Variants in SGF29 observed in about 807,000 individuals in gnomAD.
SGF29 encodes SAGA complex associated factor 29.
A neutral mutation model predicts 38.1 loss-of-function variants in SGF29; 15 were observed. The observed-to-expected ratio is 0.39, with a 90% CI of 0.26 to 0.61. The LOEUF is 0.61. SGF29 is among the 20% of genes least tolerant of loss of function. SGF29 has a pLI of 0.49. For missense variants in SGF29, 184 were observed against 394.6 expected (o/e 0.47, Z 4.52); for synonymous variants, 151 against 160.8 (o/e 0.94, Z 0.46).
intron 1 of SGF29, among the ~76,000 whole-genome samples, chr16:28,564,765 A>ATACATATATACG (rs1156634636): frequency 1.7e-5 from 1 of 58,806 alleles, no homozygotes; most frequent in South Asian, 4.2e-4. Flanking sequence ...GTATATATGT[A>ATACATATATACG]TATATATGTA....
chr16:28,571,865 GTGAT>G (rs1319322769), intron 1 of SGF29, among the ~76,000 whole-genome samples: 3 of 152,218 alleles, frequency 2.0e-5, no homozygotes, highest in Non-Finnish European at 4.4e-5. Context: ...CTAATGAGTG[GTGAT>G]TGATTGATGA....
In SGF29 at chr16:28,590,382, T is replaced by G; in HGVS notation, c.506T>G (p.Val169Gly). 2 of 1,613,842 alleles carry G rather than the reference T, an allele frequency of 1.2e-6. No homozygotes were observed. The highest frequency in any genetic ancestry group is 1.7e-6 in the Non-Finnish European group (2 of 1,179,826). The stretch of plus-strand genomic sequence containing the variant: ...AAGGTGGCTGCCCGGGTGAAGGCCG[T>G]GGATGGGGACGAGCAGTGGATCCTG... ...GDKVAARVKA[V>G]DGDEQWILAE... is the part of the protein sequence containing the mutation. Residue 169 changes from valine (V) to glycine (G), a missense_variant, in exon 7 of 10, where the codon GTG becomes GGG. Coordinates refer to ENST00000317058, the MANE Select transcript of SGF29 (RefSeq NM_138414.3). This position sits in a 1 kb window ranked among gnomAD's most constrained non-coding sequence, Gnocchi z 8.2.
In SGF29 at chr16:28,563,658, C is replaced by T. The variant is rs541750802; in HGVS notation, c.-16+9561C>T. Among the ~76,000 whole-genome samples, 17 of 150,664 alleles carry T rather than the reference C, an allele frequency of 1.1e-4. No homozygotes were observed. In the South Asian group the frequency reaches 3.4e-3, roughly 30 times the overall value. Reference sequence around the variant, plus strand: ...AAAAATAATCTGAATTTTTTTACTACGTGCATATATTGTTTACTCAGTTTT... The same window carrying T: ...AAAAATAATCTGAATTTTTTTACTATGTGCATATATTGTTTACTCAGTTTT... On this transcript the variant is annotated intron_variant, in intron 1 of 9. Transcript: ENST00000317058.
In SGF29 at chr16:28,577,267, T is replaced by G. The variant is rs2151649086; in HGVS notation, c.-15-3788T>G. ...GTGGGGTGGCCATGTACCATGTATT[T>G]AAAGTGTGCAATTCATTGGTTTTTA... On this transcript the variant is annotated intron_variant, in intron 1 of 9. Coordinates refer to ENST00000317058, the MANE Select transcript of SGF29 (RefSeq NM_138414.3). Among the ~76,000 whole-genome samples, 2 of 151,658 alleles carry G rather than the reference T, an allele frequency of 1.3e-5. 1 individual carries two copies. Among genetic ancestry groups the G allele is most frequent in the South Asian group, 4.2e-4 (2 of 4,816 alleles).
intron 1 of SGF29, among the ~76,000 whole-genome samples, chr16:28,564,758 T>C (rs1191875494): frequency 1.5e-4 from 10 of 65,546 alleles, no homozygotes; most frequent in South Asian, 7.9e-4. Context: ...TATATATGTA[T>C]ATATGTATAT....
chr16:28,575,792 GAC>G (rs1306069756), intron 1 of SGF29, among the ~76,000 whole-genome samples: 3 of 152,136 alleles, frequency 2.0e-5, no homozygotes, highest in African/African-American at 7.2e-5. Context: ...AACCGTTAGG[GAC>G]ACACAAATCA....
chr16:28,581,264 A>G (rs2046924189), intron 2 of SGF29, 120 bp downstream of exon 2: 1 of 876,106 alleles, frequency 1.1e-6, no homozygotes. Flanking sequence ...ATGACGTAAT[A>G]AAAGTGAAAG....
In SGF29 at chr16:28,584,934, C is replaced by T. The variant is rs1168894549; in HGVS notation, c.97C>T (p.His33Tyr). 26 of 1,613,472 alleles carry T rather than the reference C, an allele frequency of 1.6e-5. No homozygotes were observed. Among genetic ancestry groups the T allele is most frequent in the Admixed American group, 3.3e-5 (2 of 59,974 alleles). Reference protein sequence around the residue: ...QTQEERSRSEHNLVNIQKTHE... With the variant: ...QTQEERSRSEYNLVNIQKTHE... ...ACAGGAAGAGCGTTCGCGGAGCGAACACAACTTAGTGAACATCCAGAAGAC... is the reference window on the plus strand; with the variant it reads ...ACAGGAAGAGCGTTCGCGGAGCGAATACAACTTAGTGAACATCCAGAAGAC... Residue 33 changes from histidine (H) to tyrosine (Y), a missense_variant, in exon 3 of 10, where the codon CAC becomes TAC. This residue lies in a region of SGF29 where 77 missense variants were observed against 117.7 expected (regional missense o/e 0.65). Transcript: ENST00000317058.
intron 2 of SGF29, among the ~76,000 whole-genome samples, 191 bp downstream of exon 2, chr16:28,581,335 A>G (rs984450575): frequency 1.3e-5 from 2 of 152,180 alleles, no homozygotes; most frequent in Non-Finnish European, 2.9e-5. Flanking sequence ...ACAGGATTTC[A>G]TGATTCATTT....
chr16:28,573,588 C>T (rs1487521548), intron 1 of SGF29, among the ~76,000 whole-genome samples: 2 of 152,160 alleles, frequency 1.3e-5, no homozygotes, highest in African/African-American at 2.4e-5. Flanking sequence ...GATGAACTCT[C>T]CTCAATCATG....
In SGF29 at chr16:28,589,095, C is replaced by G. The variant is rs1394188749; in HGVS notation, c.225-5C>G. On this transcript the variant is annotated splice_region_variant and splice_polypyrimidine_tract_variant and intron_variant, in intron 4 of 9. Transcript: ENST00000317058. ...ACCCTCTTTCTCCCTTCTCCCCGCC[C>G]TCAGCATCCTTCGGAAAGCTCTGGA... The G allele has an allele frequency of 6.2e-7, 1 of 1,614,018 alleles. No homozygotes were observed. The highest frequency in any genetic ancestry group is 8.5e-7 in the Non-Finnish European group (1 of 1,179,976).
At chr16:28,579,746 C>T (rs944278363) in intron 1 of SGF29, among the ~76,000 whole-genome samples, 2 of 151,794 alleles carry the variant, frequency 1.3e-5, no homozygotes, top group Non-Finnish European at 2.9e-5. Context: ...GCCTGGCCAA[C>T]ATGGTGAAAC....
chr16:28,564,717 G>GTATA (rs1198204396), intron 1 of SGF29, among the ~76,000 whole-genome samples: 2 of 61,672 alleles, frequency 3.2e-5, no homozygotes, highest in Non-Finnish European at 6.4e-5. Flanking sequence ...ACATATATAT[G>GTATA]TATATATATA....
chr16:28,585,626 T>C (rs2046952181), intron 3 of SGF29, 22 bp from the exon 4 acceptor site: 3 of 1,611,610 alleles, frequency 1.9e-6, no homozygotes, highest in Admixed American at 1.7e-5. Flanking sequence ...CCTGCCTCCT[T>C]ATCCCTGTGT....
chr16:28,573,280 C>T (rs959485798), intron 1 of SGF29, among the ~76,000 whole-genome samples: 7 of 151,984 alleles, frequency 4.6e-5, no homozygotes, highest in African/African-American at 1.5e-4. Flanking sequence ...GGTGGGTGGC[C>T]GGCGAACTGC....
intron 2 of SGF29, among the ~76,000 whole-genome samples, chr16:28,584,117 A>C (rs1409119310): frequency 6.6e-6 from 1 of 151,322 alleles, no homozygotes; most frequent in East Asian, 1.9e-4. Flanking sequence ...CAGCCTCCCG[A>C]GTAGCTAGGA....
In SGF29 at chr16:28,584,101, C is replaced by A. The variant is rs577224318; in HGVS notation, c.76-812C>A. ...GCAGTGACATGATCTCAGCTCACTG[C>A]AACCTCAGCCTCCCGAGTAGCTAGG... is the stretch of plus-strand genomic sequence containing the variant. On this transcript the variant is annotated intron_variant, in intron 2 of 9. Transcript: ENST00000317058. Among the ~76,000 whole-genome samples, 324 of 151,716 alleles carry A rather than the reference C, an allele frequency of 2.1e-3. 1 individual carries two copies. The highest frequency in any genetic ancestry group is 7.6e-3 in the African/African-American group (313 of 41,342).
At chr16:28,558,891 G>C (rs2151640847) in intron 1 of SGF29, among the ~76,000 whole-genome samples, 1 of 152,306 alleles carries the variant, frequency 6.6e-6, no homozygotes, top group South Asian at 2.1e-4. Context: ...GTGACTGAGA[G>C]GAGAAGGGGG....
chr16:28,571,419 C>T (rs1178351032), intron 1 of SGF29, among the ~76,000 whole-genome samples: 1 of 151,954 alleles, frequency 6.6e-6, no homozygotes, highest in East Asian at 1.9e-4. Flanking sequence ...CAAAGCAAAA[C>T]CCCGTCTCTA....
Sources: gnomAD v4.1 joint callset for allele counts (sites outside exome capture counted in the v4.1 genomes callset) on GRCh38, gnomAD v4.1.1 for gene constraint, gnomAD v4.1.1 regional missense constraint, Gnocchi (gnomAD v3.1) non-coding constraint, MANE v1.5 for transcripts, NCBI Gene and HGNC (gene_info 2026-07-23, HGNC 2026-07-21) for gene names.